The following SRGAP2 variants were observed in gnomAD, a reference collection of about 807,000 sequenced individuals.
SRGAP2 encodes SLIT-ROBO Rho GTPase-activating protein 2.
Under a neutral mutation model 57.2 loss-of-function variants are expected in SRGAP2, and 15 were observed. That is an observed-to-expected ratio of 0.26 (90% CI 0.18 to 0.40). The LOEUF (loss-of-function observed/expected upper bound fraction) is 0.40, where lower values mean the gene tolerates loss of function less well. SRGAP2 is among the 10% of genes least tolerant of loss of function. The probability of loss-of-function intolerance (pLI) is 1.00; values close to 1 mark genes in which losing one functional copy is unlikely to be tolerated. For missense variants in SRGAP2, 520 were observed against 669.6 expected, an observed-to-expected ratio of 0.78 and a Z score of 2.47; for synonymous variants, 249 against 248.0, an observed-to-expected ratio of 1.00 and a Z score of -0.04.
intron 2 of SRGAP2, among the ~76,000 whole-genome samples, chr1:206,213,826 G>A (rs1299288268): frequency 6.6e-6 from 1 of 151,358 alleles, no homozygotes; most frequent in Non-Finnish European, 1.5e-5. Context: ...GGCTGAGGGA[G>A]GAGAATCGCT....
chr1:206,285,316 C>T (rs1343353821), intron 2 of SRGAP2, among the ~76,000 whole-genome samples: 1 of 151,878 alleles, frequency 6.6e-6, no homozygotes, highest in Non-Finnish European at 1.5e-5. Flanking sequence ...AGGGGAGATA[C>T]TGAGCTTGTC....
intron 2 of SRGAP2, among the ~76,000 whole-genome samples, chr1:206,275,908 C>T (rs1195926927): frequency 2.0e-5 from 3 of 151,640 alleles, no homozygotes; most frequent in Non-Finnish European, 2.9e-5. Flanking sequence ...AGCCACCATG[C>T]CAGGCCCCAT....
chr1:206,268,642 T>A (rs1305438599), intron 2 of SRGAP2, among the ~76,000 whole-genome samples: 1,640 of 147,656 alleles, frequency 0.011, 5 homozygotes, highest in Middle Eastern at 0.027. Context: ...AGTCAAAGAA[T>A]TCATTATTGA....
At chr1:206,386,809 A>C (rs1656320394) in intron 5 of SRGAP2, among the ~76,000 whole-genome samples, 1 of 148,112 alleles carries the variant, frequency 6.8e-6, no homozygotes, top group African/African-American at 2.5e-5. Flanking sequence ...AAAAAAAAAA[A>C]AGAAAAAGGA....
intron 3 of SRGAP2, among the ~76,000 whole-genome samples, chr1:206,331,441 C>CT (rs1443251547): frequency 1.0e-5 from 1 of 97,140 alleles, no homozygotes; most frequent in African/African-American, 4.5e-5. Flanking sequence ...GTGTGGGAGT[C>CT]TAAGTCTCTT....
intron 2 of SRGAP2, chr1:206,214,547 C>T (rs1666523779): frequency 6.7e-6 from 1 of 149,302 alleles, no homozygotes; most frequent in African/African-American, 2.6e-5. Flanking sequence ...ATTGAAATCT[C>T]ATCCTTCTGC....
chr1:206,210,009 G>T (rs1666210523), intron 2 of SRGAP2, among the ~76,000 whole-genome samples: 1 of 137,960 alleles, frequency 7.2e-6, no homozygotes, highest in Admixed American at 7.2e-5. Context: ...GAACCTGCAG[G>T]TATGGGGAGG....
At chr1:206,334,618 G>A (rs1200870883) in intron 3 of SRGAP2, among the ~76,000 whole-genome samples, 7 of 152,138 alleles carry the variant, frequency 4.6e-5, no homozygotes, top group Non-Finnish European at 1.0e-4. Context: ...AGGAGTTTCT[G>A]GCTGTAGATC....
In SRGAP2 at chr1:206,263,669, G is replaced by A. The variant is rs567102090; in HGVS notation, c.68-39612G>A. On this transcript the variant is annotated intron_variant, in intron 2 of 22. Transcript: ENST00000573034. Reference sequence around the variant, plus strand: ...GCCTTAATAGTCATTTAATACATATGTATTGAGTATTTAACTTTGTGCTGG... The same window carrying A: ...GCCTTAATAGTCATTTAATACATATATATTGAGTATTTAACTTTGTGCTGG... 1.1e-4 allele frequency among the ~76,000 whole-genome samples: 16 copies of A among 151,940 alleles called. No individual in the cohort carries two copies. The South Asian group carries it at 3.3e-3, about 32-fold the overall frequency.
rs550609816 is a variant in SRGAP2, at chr1:206,366,587, G to A, written c.424-17427G>A. On this transcript the variant is annotated intron_variant, in intron 4 of 22. Coordinates refer to ENST00000573034, the MANE Select transcript of SRGAP2 (RefSeq NM_015326.5). ...AGGCCTGTTGTTGTTTTCTTTTTGC[G>A]ATAACTACAGCAAGCAATTCTTTGA... is the stretch of plus-strand genomic sequence containing the variant. 4.6e-5 allele frequency among the ~76,000 whole-genome samples: 7 copies of A among 152,130 alleles called. No individual in the cohort carries two copies. In the East Asian group the frequency reaches 1.4e-3, roughly 29 times the overall value.
chr1:206,291,956 T>C (rs1237391137), intron 2 of SRGAP2, among the ~76,000 whole-genome samples: 1 of 149,630 alleles, frequency 6.7e-6, no homozygotes, highest in African/African-American at 2.5e-5. Context: ...TGTCACAAGG[T>C]AGGTGTCTTA....
chr1:206,409,922 A>T (rs552503599), intron 10 of SRGAP2, among the ~76,000 whole-genome samples: 1 of 150,508 alleles, frequency 6.6e-6, no homozygotes, highest in Non-Finnish European at 1.5e-5. Flanking sequence ...AACATGGAGA[A>T]ACCTCGTCTC....
At chr1:206,432,712 A>G (rs78677475) in intron 14 of SRGAP2, among the ~76,000 whole-genome samples, 1,918 of 152,342 alleles carry the variant, frequency 0.013, 24 homozygotes, top group South Asian at 0.026. Flanking sequence ...CTCGGCCTCT[A>G]ATGGGGTTAC....
At chr1:206,309,471 A>C (rs1672472135) in intron 3 of SRGAP2, among the ~76,000 whole-genome samples, 1 of 150,840 alleles carries the variant, frequency 6.6e-6, no homozygotes, top group South Asian at 2.1e-4. Flanking sequence ...GAGCAAAAAA[A>C]AAAAAAAAAA....
intron 3 of SRGAP2, chr1:206,333,541 T>G (rs552302556): frequency 2.1e-6 from 2 of 933,030 alleles, no homozygotes; most frequent in East Asian, 2.6e-5. Context: ...ATTTATTTAT[T>G]TTTTAAGAGA....
At chr1:206,296,313 AG>A (rs1234136567) in intron 2 of SRGAP2, among the ~76,000 whole-genome samples, 1 of 150,494 alleles carries the variant, frequency 6.6e-6, no homozygotes, top group African/African-American at 2.4e-5. Flanking sequence ...TGGAGAGGGC[AG>A]GGGTGGGATC....
At chr1:206,383,494 G>A (rs1314662899) in intron 4 of SRGAP2, among the ~76,000 whole-genome samples, 8 of 152,106 alleles carry the variant, frequency 5.3e-5, no homozygotes, top group African/African-American at 1.2e-4. Flanking sequence ...TTGAGATACC[G>A]CTGCCTTGTG....
intron 18 of SRGAP2, among the ~76,000 whole-genome samples, chr1:206,449,730 TTCC>T (rs1663103510): frequency 6.6e-6 from 1 of 152,122 alleles, no homozygotes; most frequent in African/African-American, 2.4e-5. Context: ...ATGACTCACC[TTCC>T]ACTTTTTCAC....
chr1:206,454,661 G>A lies in SRGAP2; in HGVS notation c.2361-217G>A. ...TTCCTGAGGAGCTGAGGAGCCCGCA[G>A]AACTCAGCGGATTATTTATTTTTAT... On this transcript the variant is annotated intron_variant, in intron 20 of 22. Coordinates refer to ENST00000573034, the MANE Select transcript of SRGAP2 (RefSeq NM_015326.5). The surrounding 1 kb of genome is among the most constrained non-coding windows in gnomAD (Gnocchi z 4.3). 1.9e-6 allele frequency: 1 copy of A among 537,090 alleles called. No homozygotes were observed. Among genetic ancestry groups the A allele is most frequent in the Non-Finnish European group, 3.3e-6 (1 of 305,718 alleles). 33.3% of individuals were successfully genotyped at this position (537,090 alleles called of 1,614,324 possible).
Sources: gnomAD v4.1 joint callset for allele counts (sites outside exome capture counted in the v4.1 genomes callset) on GRCh38, gnomAD v4.1.1 for gene constraint, Gnocchi (gnomAD v3.1) non-coding constraint, MANE v1.5 for transcripts, NCBI Gene and HGNC (gene_info 2026-07-23, HGNC 2026-07-21) for gene names.